The following SPOCK3 variants were observed in gnomAD, a reference collection of about 807,000 sequenced individuals.
SPOCK3 encodes SPARC (osteonectin), cwcv and kazal like domains proteoglycan 3.
Under a neutral mutation model 56.6 loss-of-function variants are expected in SPOCK3, and 30 were observed. The ratio of observed to expected loss-of-function variants is 0.53; its 90% confidence interval spans 0.40 to 0.72. The LOEUF (loss-of-function observed/expected upper bound fraction) is 0.72. Ranked by LOEUF, SPOCK3 falls within the 30% of genes least tolerant of loss-of-function variation. The pLI, the probability that SPOCK3 is intolerant of heterozygous loss-of-function variation, is 0.00. For missense variants in SPOCK3, 527 were observed against 530.0 expected (o/e 0.99, Z 0.06); for synonymous variants, 196 against 183.3 (o/e 1.07, Z -0.56).
chr4:166,934,069 T>A (rs1196701959), intron 4 of SPOCK3, among the ~76,000 whole-genome samples: 2 of 152,058 alleles, frequency 1.3e-5, no homozygotes, highest in Non-Finnish European at 2.9e-5. Flanking sequence ...TCTTCATAAT[T>A]CTTAATAATG....
At chr4:166,802,139 A>T (rs2126691923) in intron 6 of SPOCK3, among the ~76,000 whole-genome samples, 1 of 152,250 alleles carries the variant, frequency 6.6e-6, no homozygotes, top group Non-Finnish European at 1.5e-5. Flanking sequence ...TTAGAGAAAA[A>T]ATAAATTAGA....
intron 2 of SPOCK3, among the ~76,000 whole-genome samples, chr4:167,128,054 C>T (rs1762424587): frequency 6.6e-6 from 1 of 152,148 alleles, no homozygotes; most frequent in Admixed American, 6.5e-5. Context: ...TTAATTACCT[C>T]TTTCCTTCTT....
intron 2 of SPOCK3, among the ~76,000 whole-genome samples, chr4:167,160,324 C>T (rs1012135357): frequency 5.3e-5 from 8 of 152,024 alleles, no homozygotes; most frequent in Non-Finnish European, 1.2e-4. Context: ...CCTAGGAATC[C>T]AACTTAAAAG....
intron 2 of SPOCK3, among the ~76,000 whole-genome samples, chr4:167,079,906 C>G (rs1757557986): frequency 6.6e-6 from 1 of 151,852 alleles, no homozygotes; most frequent in Non-Finnish European, 1.5e-5. Context: ...CTGTGCCTAC[C>G]AGTTTCAGGG....
At chr4:166,844,210 A>G (rs1747815754) in intron 6 of SPOCK3, among the ~76,000 whole-genome samples, 1 of 152,156 alleles carries the variant, frequency 6.6e-6, no homozygotes, top group Admixed American at 6.5e-5. Flanking sequence ...CCTGAGTTCA[A>G]ATTCTACCAC....
At chr4:166,755,641 G>T (rs1041197715) in intron 7 of SPOCK3, among the ~76,000 whole-genome samples, 4 of 151,962 alleles carry the variant, frequency 2.6e-5, no homozygotes, top group Non-Finnish European at 5.9e-5. Flanking sequence ...TCAGTTATTT[G>T]CATGGAAAAG....
chr4:166,851,065 C>T (rs1016804634), intron 6 of SPOCK3, among the ~76,000 whole-genome samples: 1 of 152,196 alleles, frequency 6.6e-6, no homozygotes, highest in Non-Finnish European at 1.5e-5. Context: ...CTTAAATGTC[C>T]CTGTCTGACA....
At chr4:167,024,418 A>C (rs35087411) in intron 3 of SPOCK3, among the ~76,000 whole-genome samples, 4,559 of 152,138 alleles carry the variant, frequency 0.03, 94 homozygotes, top group Non-Finnish European at 0.048. Flanking sequence ...TAAATGTATA[A>C]ATTTCTTACA....
intron 2 of SPOCK3, among the ~76,000 whole-genome samples, chr4:167,178,504 G>T (rs377169111): frequency 2.0e-5 from 3 of 152,058 alleles, no homozygotes; most frequent in Non-Finnish European, 2.9e-5. Flanking sequence ...CTCACTGAAA[G>T]TTCCAATTTC....
At chr4:167,017,927 T>C (rs1163300711) in intron 3 of SPOCK3, among the ~76,000 whole-genome samples, 1 of 152,112 alleles carries the variant, frequency 6.6e-6, no homozygotes, top group East Asian at 1.9e-4. Context: ...TTTATTCAAT[T>C]GTTATCTAAT....
chr4:167,051,903 C>T (rs1754244524), intron 3 of SPOCK3, among the ~76,000 whole-genome samples: 1 of 152,160 alleles, frequency 6.6e-6, no homozygotes, highest in South Asian at 2.1e-4. Context: ...TGAACACCTT[C>T]TAAATTAATT....
chr4:167,038,319 A>C (rs1320990999), intron 3 of SPOCK3, among the ~76,000 whole-genome samples: 1 of 152,236 alleles, frequency 6.6e-6, no homozygotes, highest in Non-Finnish European at 1.5e-5. Flanking sequence ...GAAAGGGTAA[A>C]GAAATTTATG....
At chr4:166,881,232 TC>T (rs1381871526) in intron 6 of SPOCK3, among the ~76,000 whole-genome samples, 3 of 152,000 alleles carry the variant, frequency 2.0e-5, no homozygotes, top group African/African-American at 4.8e-5. Flanking sequence ...GCATTTTTTT[TC>T]CTTTTCTTAT....
intron 6 of SPOCK3, among the ~76,000 whole-genome samples, chr4:166,868,235 C>T (rs1036497172): frequency 4.7e-5 from 7 of 150,222 alleles, no homozygotes; most frequent in African/African-American, 1.7e-4. Context: ...CACATGAGAC[C>T]GGGAGTTTGA....
At chr4:167,221,572 T>A (rs1376904802) in intron 2 of SPOCK3, among the ~76,000 whole-genome samples, 1 of 152,176 alleles carries the variant, frequency 6.6e-6, no homozygotes, top group Non-Finnish European at 1.5e-5. Context: ...ATTAATAATC[T>A]CTACTTTTAT....
At chr4:167,227,767 A>G (rs1736737626) in intron 2 of SPOCK3, among the ~76,000 whole-genome samples, 1 of 152,170 alleles carries the variant, frequency 6.6e-6, no homozygotes, top group South Asian at 2.1e-4. Context: ...CAGATCATGA[A>G]AACTAAAGTT....
intron 2 of SPOCK3, among the ~76,000 whole-genome samples, chr4:167,220,378 C>CTTTTTTTTTTTTT (rs61002914): frequency 4.8e-4 from 62 of 130,024 alleles, no homozygotes; most frequent in Non-Finnish European, 6.4e-4. Flanking sequence ...ACTGTAAGAA[C>CTTTTTTTTTTTTT]TTTTTTTTTT....
intron 8 of SPOCK3, among the ~76,000 whole-genome samples, chr4:166,743,271 T>C (rs1735101950): frequency 6.6e-6 from 1 of 152,024 alleles, no homozygotes; most frequent in African/African-American, 2.4e-5. Flanking sequence ...TGGTACAACT[T>C]TTTAGGAAAA....
chr4:167,048,036 T>A (rs1481830397), intron 3 of SPOCK3, among the ~76,000 whole-genome samples: 1 of 152,086 alleles, frequency 6.6e-6, no homozygotes, highest in African/African-American at 2.4e-5. Context: ...ATACTTTGTA[T>A]CGAAAAGAAA....
Sources: allele counts gnomAD v4.1 joint callset (sites outside exome capture counted in the v4.1 genomes callset), GRCh38; gene constraint gnomAD v4.1.1; transcripts MANE v1.5; gene names NCBI Gene and HGNC (gene_info 2026-07-23, HGNC 2026-07-21).